CLIP1: variants seen among roughly 807,000 people sequenced by gnomAD.
CLIP1 encodes CAP-Gly domain-containing linker protein 1.
CLIP1 carries 66 observed loss-of-function variants against 161.6 expected under a neutral mutation model. The observed-to-expected ratio is 0.41, with a 90% CI of 0.33 to 0.50. The LOEUF is 0.50. Ranked by LOEUF, CLIP1 falls within the 20% of genes least tolerant of loss-of-function variation. The pLI, the probability that CLIP1 is intolerant of heterozygous loss-of-function variation, is 0.27. For synonymous variants in CLIP1, 598 were observed against 626.2 expected (o/e 0.96, Z 0.67); for missense variants, 1,376 against 1,702.0 (o/e 0.81, Z 3.37).
chr12:122,318,724 G>A (rs985462301), intron 18 of CLIP1, among the ~76,000 whole-genome samples: 2 of 152,128 alleles, frequency 1.3e-5, no homozygotes, highest in Non-Finnish European at 2.9e-5. Flanking sequence ...GAGGAGAAAT[G>A]CCACAGAAGG....
chr12:122,386,242 C>T (rs1180489558), intron 1 of CLIP1, among the ~76,000 whole-genome samples: 5 of 152,052 alleles, frequency 3.3e-5, no homozygotes, highest in African/African-American at 1.2e-4. Flanking sequence ...GCCGAGATCA[C>T]ACCACTGCAC....
At chr12:122,381,444 A>G (rs911196239) in intron 1 of CLIP1, among the ~76,000 whole-genome samples, 86 of 152,352 alleles carry the variant, frequency 5.6e-4, no homozygotes, top group African/African-American at 1.8e-3. Flanking sequence ...TCAAGACCAG[A>G]TATGAATCTA....
At chr12:122,324,214 A>G (rs1270714750) in intron 17 of CLIP1, 1 of 152,666 alleles carries the variant, frequency 6.6e-6, no homozygotes, top group Admixed American at 6.5e-5. Flanking sequence ...CCTGAAGTAA[A>G]GCTATTTTGG....
At chr12:122,405,981 C>T (rs1393997874) in intron 1 of CLIP1, among the ~76,000 whole-genome samples, 2 of 152,024 alleles carry the variant, frequency 1.3e-5, no homozygotes, top group African/African-American at 4.8e-5. Context: ...GCAGGAGAAT[C>T]GCTTGAATCC....
At chr12:122,375,821 T>C (rs200466434) in intron 3 of CLIP1, among the ~76,000 whole-genome samples, 118 of 152,072 alleles carry the variant, frequency 7.8e-4, no homozygotes, top group East Asian at 4.0e-3. Context: ...TTTTTTTTTT[T>C]TTTTGAAACA....
chr12:122,401,126 G>A (rs1468100119), intron 1 of CLIP1, among the ~76,000 whole-genome samples: 1 of 152,100 alleles, frequency 6.6e-6, no homozygotes, highest in African/African-American at 2.4e-5. Flanking sequence ...GGTCAGGCTG[G>A]TCTCGAACTC....
chr12:122,355,452 C>A lies in CLIP1; in HGVS notation c.1006-140G>T, dbSNP rs1442969566. 2.7e-5 allele frequency: 18 copies of A among 672,142 alleles called. No homozygotes were observed. The highest frequency in any genetic ancestry group is 4.4e-5 in the Non-Finnish European group (17 of 390,028). The allele number at this position is 672,142 out of a possible 1,614,324, so 41.6% of individuals were successfully genotyped here. Reference sequence around the variant, plus strand: ...GCAGGCTGGCCAGGATTAGGAAAGGCTTCCTCAAAAACACAAGACAGTGTG... The same window carrying A: ...GCAGGCTGGCCAGGATTAGGAAAGGATTCCTCAAAAACACAAGACAGTGTG... On this transcript the variant is annotated intron_variant, in intron 5 of 25. Transcript: ENST00000620786. This position sits in a 1 kb window ranked among gnomAD's most constrained non-coding sequence, Gnocchi z 4.1.
At chr12:122,376,333 G>A (rs182294274) in intron 3 of CLIP1, among the ~76,000 whole-genome samples, 10 of 151,852 alleles carry the variant, frequency 6.6e-5, no homozygotes, top group African/African-American at 1.2e-4. Context: ...GATTACAGGC[G>A]TAAGCCACCG....
chr12:122,332,912 T>C (rs1566128741), intron 15 of CLIP1, 75 bp downstream of exon 15: 4 of 1,204,510 alleles, frequency 3.3e-6, no homozygotes, highest in Non-Finnish European at 4.7e-6. Flanking sequence ...CCTAAACATT[T>C]TGTCTCCCCT....
rs950309865 is a variant in CLIP1, at chr12:122,408,570, G to A, written c.-107+13951C>T. ...TCACCGTGTTAGCCAGGATGGTCTC[G>A]ATCTCCTGACCTCGTGATCCACCCA... is the stretch of plus-strand genomic sequence containing the variant. On this transcript the variant is annotated intron_variant, in intron 1 of 25. Transcript: ENST00000620786. 7.2e-5 allele frequency among the ~76,000 whole-genome samples: 11 copies of A among 151,878 alleles called. 1 individual carries two copies. The highest frequency in any genetic ancestry group is 2.0e-4 in the Admixed American group (3 of 15,226).
chr12:122,356,567 G>T (rs1470648988), intron 5 of CLIP1, among the ~76,000 whole-genome samples: 1 of 152,180 alleles, frequency 6.6e-6, no homozygotes, highest in African/African-American at 2.4e-5. Flanking sequence ...GTAACATGAA[G>T]TCATTCTGGT....
At chr12:122,352,628 TG>T in intron 8 of CLIP1, 97 bp downstream of exon 8, 1 of 1,100,518 alleles carries the variant, frequency 9.1e-7, no homozygotes, top group Non-Finnish European at 1.4e-6. Context: ...CTTCCTCAGC[TG>T]GCTGTTCTGG....
At chr12:122,398,335 G>A (rs1347424221) in intron 1 of CLIP1, among the ~76,000 whole-genome samples, 1 of 149,040 alleles carries the variant, frequency 6.7e-6, no homozygotes, top group African/African-American at 2.5e-5. Flanking sequence ...AGGCTGAGGA[G>A]AATAGCTTGA....
Position 122,352,706 on chromosome 12 carries a change from G to A in CLIP1, c.1368+20C>T. ...ATACTGATACCCATAAAAGCTGTAAGAGAGCTGGAGGGGTTTTACCTCAAG... is the reference window on the plus strand; with the variant it reads ...ATACTGATACCCATAAAAGCTGTAAAAGAGCTGGAGGGGTTTTACCTCAAG... On this transcript the variant is annotated intron_variant, in intron 8 of 25. Transcript: ENST00000620786. The A allele has an allele frequency of 6.2e-7, 1 of 1,605,708 alleles. No individual in the cohort carries two copies. Among genetic ancestry groups the A allele is most frequent in the Non-Finnish European group, 8.5e-7 (1 of 1,172,550 alleles).
chr12:122,377,716 C>T lies in CLIP1; in HGVS notation c.330G>A (p.Gln110=), dbSNP rs200193868. 1 of 1,613,834 alleles carries T rather than the reference C, an allele frequency of 6.2e-7. No individual in the cohort carries two copies. The highest frequency in any genetic ancestry group is 8.5e-7 in the Non-Finnish European group (1 of 1,180,014). ...TAAATATGCCCTTTAAAGGTTCACACTGGAAATACCGAACTCCTGCCACCG... is the reference window on the plus strand; with the variant it reads ...TAAATATGCCCTTTAAAGGTTCACATTGGAAATACCGAACTCCTGCCACCG... ...DGSVAGVRYF[Q]CEPLKGIFTR... Residue 110 remains glutamine (Q), a synonymous_variant, in exon 3 of 26, where the codon CAG becomes CAA. Transcript: ENST00000620786.
chr12:122,306,646 C>T (rs1040111487), intron 20 of CLIP1, among the ~76,000 whole-genome samples: 2 of 152,050 alleles, frequency 1.3e-5, no homozygotes, highest in African/African-American at 4.8e-5. Context: ...TTAACATGGG[C>T]CTTTAACAAT....
intron 15 of CLIP1, among the ~76,000 whole-genome samples, chr12:122,331,485 T>A (rs1045202727): frequency 6.6e-6 from 1 of 152,010 alleles, no homozygotes. Context: ...TGGCTAATTT[T>A]TGTATTTTTA....
intron 3 of CLIP1, among the ~76,000 whole-genome samples, chr12:122,372,377 T>G (rs1954494542): frequency 6.6e-6 from 1 of 150,678 alleles, no homozygotes. Context: ...ATTGCGCCAT[T>G]GCACTCCAGC....
intron 10 of CLIP1, among the ~76,000 whole-genome samples, chr12:122,345,176 C>CT (rs559964564): frequency 0.035 from 4,950 of 141,494 alleles, 143 homozygotes; most frequent in East Asian, 0.097. Flanking sequence ...CAAATTGCCA[C>CT]TTTTTTTTTT....
Sources: allele counts gnomAD v4.1 joint callset (sites outside exome capture counted in the v4.1 genomes callset), GRCh38; gene constraint gnomAD v4.1.1; non-coding constraint Gnocchi (gnomAD v3.1); transcripts MANE v1.5; gene names NCBI Gene and HGNC (gene_info 2026-07-23, HGNC 2026-07-21).